The following FAM3B variants were observed in gnomAD, a reference collection of about 807,000 sequenced individuals.
FAM3B encodes the protein FAM3 metabolism regulating signaling molecule B, also known as protein FAM3B.
A neutral mutation model predicts 28.4 loss-of-function variants in FAM3B; 29 were observed. The ratio of observed to expected loss-of-function variants is 1.02; its 90% CI spans 0.76 to 1.39. The LOEUF is 1.39. Among genes scored for constraint, FAM3B ranks in the 40% most tolerant of loss-of-function variants. FAM3B has a pLI of 0.00. For synonymous variants in FAM3B, 91 were observed against 103.0 expected, an observed-to-expected ratio of 0.88 and a Z score of 0.71; for missense variants, 266 against 293.9, an observed-to-expected ratio of 0.91 and a Z score of 0.69.
At chr21:41,347,185 T>C in intron 6 of FAM3B, 85 bp downstream of exon 6, 1 of 1,116,062 alleles carries the variant, frequency 9.0e-7, no homozygotes, top group Non-Finnish European at 1.4e-6. Flanking sequence ...TGACATCCTC[T>C]GGGGACAAGC....
At chr21:41,306,999 T>A (rs2088686165) in intron 1 of FAM3B, among the ~76,000 whole-genome samples, 1 of 152,188 alleles carries the variant, frequency 6.6e-6, no homozygotes, top group Non-Finnish European at 1.5e-5. Context: ...AACAAAAGAG[T>A]TAGCCTGTCT....
intron 1 of FAM3B, among the ~76,000 whole-genome samples, chr21:41,308,978 A>G (rs1003118099): frequency 6.6e-6 from 1 of 152,162 alleles, no homozygotes; most frequent in Non-Finnish European, 1.5e-5. Flanking sequence ...CTTTAGATTC[A>G]TCTTCACAAA....
At position 41,338,338 on chromosome 21, in the gene FAM3B, G is replaced by A. The variant is rs370325534; in HGVS notation, c.164-40G>A. 4.3e-6 allele frequency: 7 copies of A among 1,610,164 alleles called. No individual in the cohort carries two copies. In the African/African-American group the frequency reaches 9.4e-5, roughly 22 times the overall value. ...GCAGCAGGTGCATCTGTAAATTACT[G>A]TGGGATGTTAATGGCTATATACTTT... On this transcript the variant is annotated intron_variant, in intron 2 of 7. Transcript: ENST00000357985.
chr21:41,312,541 A>G (rs531614727), upstream of FAM3B, among the ~76,000 whole-genome samples: 2 of 152,350 alleles, frequency 1.3e-5, no homozygotes, highest in South Asian at 4.1e-4. Flanking sequence ...TTGAATGATC[A>G]CTGAATGCAA....
intron 7 of FAM3B, among the ~76,000 whole-genome samples, chr21:41,355,831 G>A (rs2089160154): frequency 6.6e-6 from 1 of 152,082 alleles, no homozygotes; most frequent in Non-Finnish European, 1.5e-5. Flanking sequence ...TTTACTATGT[G>A]AATTATATCC....
intron 1 of FAM3B, 84 bp downstream of exon 1, chr21:41,316,982 G>A (rs1402891725): frequency 1.7e-6 from 2 of 1,168,468 alleles, no homozygotes; most frequent in Admixed American, 4.2e-5. Context: ...CCCTGCCTGG[G>A]ACCCGCCACG....
intron 1 of FAM3B, among the ~76,000 whole-genome samples, chr21:41,318,614 A>G (rs1323283576): frequency 6.6e-6 from 1 of 152,074 alleles, no homozygotes; most frequent in African/African-American, 2.4e-5. Flanking sequence ...CTGACCATCC[A>G]CCCTCATCTC....
At chr21:41,334,194 TG>T (rs1410846765) in intron 2 of FAM3B, among the ~76,000 whole-genome samples, 2 of 152,280 alleles carry the variant, frequency 1.3e-5, no homozygotes, top group Non-Finnish European at 2.9e-5. Context: ...AGCCTGGCCA[TG>T]TGGTAGAAAA....
At chr21:41,311,879 T>C (rs1275414587), upstream of FAM3B, among the ~76,000 whole-genome samples, 1 of 152,206 alleles carries the variant, frequency 6.6e-6, no homozygotes, top group Non-Finnish European at 1.5e-5. Context: ...TTATTGGACT[T>C]ACAGTCCACA....
chr21:41,315,126 C>T (rs530168388), upstream of FAM3B, among the ~76,000 whole-genome samples: 2 of 152,298 alleles, frequency 1.3e-5, no homozygotes, highest in East Asian at 1.9e-4. Context: ...GAAATTTTGA[C>T]ACATGCTACA....
At position 41,344,400 on chromosome 21, in the gene FAM3B, G is replaced by T. The variant is rs976001285; in HGVS notation, c.288-76G>T. The T allele has an allele frequency of 5.2e-6, 7 of 1,348,694 alleles. No homozygotes were observed. The Admixed American group carries it at 1.2e-4, about 23-fold the overall frequency. 83.5% of individuals were successfully genotyped at this position (1,348,694 alleles called of 1,614,324 possible). ...GGGACAGCAGATGAGACTGACATTT[G>T]GTCAGGCGAAGACTTCGCGGAGCGG... On this transcript the variant is annotated intron_variant, in intron 3 of 7. Transcript: ENST00000357985.
At chr21:41,342,914 T>C (rs1402081854) in intron 3 of FAM3B, among the ~76,000 whole-genome samples, 1 of 152,222 alleles carries the variant, frequency 6.6e-6, no homozygotes, top group East Asian at 1.9e-4. Context: ...TTTAAAAAAA[T>C]TGAGGCATGG....
chr21:41,309,853 T>C (rs1410230772), intron 1 of FAM3B, among the ~76,000 whole-genome samples: 3 of 152,220 alleles, frequency 2.0e-5, no homozygotes, highest in African/African-American at 7.2e-5. Context: ...TACCACCTGG[T>C]CCACCCAGGT....
In FAM3B at chr21:41,338,380, C is replaced by T. The variant is rs752650804; in HGVS notation, c.166C>T (p.Pro56Ser). 6.2e-7 allele frequency: 1 copy of T among 1,614,088 alleles called. No homozygotes were observed. The highest frequency in any genetic ancestry group is 8.5e-7 in the Non-Finnish European group (1 of 1,179,996). Residue 56 changes from proline to serine, a missense_variant and splice_region_variant, in exon 3 of 8, where the codon CCA (proline) becomes TCA (serine). Coordinates refer to ENST00000357985, the MANE Select transcript of FAM3B (RefSeq NM_058186.4). Reference sequence around the variant, plus strand: ...ATATACTTTCTTATTCATTACAGCTCCAGTCCCCAAAAGGCAAAAATGTGA... The same window carrying T: ...ATATACTTTCTTATTCATTACAGCTTCAGTCCCCAAAAGGCAAAAATGTGA... ...SIGERPVLKAPVPKRQKCDHW... is the reference protein window; with the variant it reads ...SIGERPVLKASVPKRQKCDHW...
At chr21:41,328,678 A>G (rs149650745) in intron 2 of FAM3B, among the ~76,000 whole-genome samples, 1 of 152,314 alleles carries the variant, frequency 6.6e-6, no homozygotes, top group East Asian at 1.9e-4. Context: ...ACTGTAGGCT[A>G]TTTGAGTGTT....
intron 7 of FAM3B, among the ~76,000 whole-genome samples, chr21:41,352,081 G>A (rs74533678): frequency 1.3e-5 from 2 of 152,268 alleles, no homozygotes; most frequent in Non-Finnish European, 2.9e-5. Context: ...TCTGAGTCTT[G>A]TCTCTGGTGA....
intron 2 of FAM3B, among the ~76,000 whole-genome samples, chr21:41,330,542 T>G (rs770677355): frequency 6.6e-6 from 1 of 152,226 alleles, no homozygotes; most frequent in Non-Finnish European, 1.5e-5. Flanking sequence ...TCCTCCTGTG[T>G]AGCTGAAACT....
intron 7 of FAM3B, among the ~76,000 whole-genome samples, chr21:41,349,011 C>T (rs983693855): frequency 6.6e-6 from 1 of 152,196 alleles, no homozygotes; most frequent in Non-Finnish European, 1.5e-5. Flanking sequence ...TCCCCAAGCT[C>T]CTGCTATGGG....
At chr21:41,319,085 G>A (rs1196460954) in intron 1 of FAM3B, among the ~76,000 whole-genome samples, 1 of 152,052 alleles carries the variant, frequency 6.6e-6, no homozygotes, top group Non-Finnish European at 1.5e-5. Flanking sequence ...TGTAGAGATG[G>A]TTGCCTATGT....
Sources: gnomAD v4.1 joint callset for allele counts (sites outside exome capture counted in the v4.1 genomes callset) on GRCh38, gnomAD v4.1.1 for gene constraint, MANE v1.5 for transcripts, NCBI Gene and HGNC (gene_info 2026-07-23, HGNC 2026-07-21) for gene names.